HELB: variants seen among roughly 807,000 people sequenced by gnomAD.
The protein encoded by HELB is DNA 5'-3' helicase B.
A neutral mutation model predicts 101.7 loss-of-function variants in HELB; 96 were observed. That is an observed-to-expected ratio of 0.94 (90% confidence interval 0.80 to 1.12). The LOEUF (loss-of-function observed/expected upper bound fraction) is 1.12. Ranked by LOEUF, HELB falls within the 50% of genes most tolerant of loss-of-function variation. The pLI is 0.00. For synonymous variants in HELB, 437 were observed against 459.7 expected (o/e 0.95, Z 0.63); for missense variants, 1,210 against 1,291.9 (o/e 0.94, Z 0.97).
intron 4 of HELB, among the ~76,000 whole-genome samples, chr12:66,312,311 C>A: frequency 6.6e-6 from 1 of 152,176 alleles, no homozygotes; most frequent in Admixed American, 6.5e-5. Flanking sequence ...ATGCTGTACA[C>A]TAACAATGAA....
At position 66,338,156 on chromosome 12, in the gene HELB, A is replaced by G. The variant is rs2053886667; in HGVS notation, c.*54A>G. The G allele has an allele frequency of 9.7e-7, 1 of 1,035,710 alleles. No homozygotes were observed. The allele number at this position is 1,035,710 out of a possible 1,614,324, so 64.2% of individuals were successfully genotyped here. ...TGTTTTTCTATTGGAGACAAAATGA[A>G]CATCGTAACGTCAAAGTACCAAGAT... On this transcript the variant is annotated 3_prime_UTR_variant, in exon 13 of 13. Transcript: ENST00000247815.
At chr12:66,333,924 C>T (rs929308775) in intron 12 of HELB, among the ~76,000 whole-genome samples, 2 of 151,982 alleles carry the variant, frequency 1.3e-5, no homozygotes, top group East Asian at 1.9e-4. Context: ...CTTTGGGAGG[C>T]GGAGGTGAGA....
chr12:66,310,443 A>G lies in HELB; in HGVS notation c.1515A>G (p.Glu505=). ...AAAGAGAAGTAAAAAAAGCCTGTGA[A>G]GATTTTGAACAAGACCAGAATGCTT... The part of the protein sequence containing the change: ...LEEREVKKAC[E]DFEQDQNASE... The change falls in exon 4 of 13, where the codon GAA becomes GAG. Residue 505 remains glutamate (E), a synonymous_variant. Transcript: ENST00000247815. 1 of 1,614,196 alleles carries G rather than the reference A, an allele frequency of 6.2e-7. No individual in the cohort carries two copies. Among genetic ancestry groups the G allele is most frequent in the Non-Finnish European group, 8.5e-7 (1 of 1,180,042 alleles).
chr12:66,318,587 A>G, intron 6 of HELB, 51 bp from the exon 7 acceptor site: 1 of 1,514,794 alleles, frequency 6.6e-7, no homozygotes, highest in Non-Finnish European at 8.8e-7. Flanking sequence ...ATATATGAAG[A>G]CATTTTTGGA....
Position 66,304,898 on chromosome 12 carries a change from T to G in HELB, c.355T>G (p.Ser119Ala). 2 of 1,614,174 alleles carry G rather than the reference T, an allele frequency of 1.2e-6. No individual in the cohort carries two copies. Among genetic ancestry groups the G allele is most frequent in the Non-Finnish European group, 1.7e-6 (2 of 1,180,018 alleles). The change falls in exon 2 of 13, where the codon TCA (serine) becomes GCA (alanine). Residue 119 changes from serine to alanine, a missense_variant. By Grantham distance (99) the Ser-to-Ala change is moderately conservative (BLOSUM62 1). Around this residue, in one of 2 missense-constraint regions of HELB, gnomAD observed 470 missense variants for 563.1 expected, o/e 0.83. Transcript: ENST00000247815. Reference protein sequence around the residue: ...FPSYFLQSDMSPPNQKHICAL... With the variant: ...FPSYFLQSDMAPPNQKHICAL... ...GTCTTACTTTTTGCAGTCTGATATG[T>G]CACCACCAAATCAAAAACATATCTG...
At chr12:66,322,912 A>G (rs2053688758) in intron 9 of HELB, 129 bp downstream of exon 9, 1 of 531,784 alleles carries the variant, frequency 1.9e-6, no homozygotes, top group Non-Finnish European at 3.4e-6. Context: ...CATTTGTGAA[A>G]TAGAATGATC....
intron 6 of HELB, among the ~76,000 whole-genome samples, chr12:66,316,495 G>A (rs947282147): frequency 5.9e-5 from 9 of 151,822 alleles, no homozygotes; most frequent in Admixed American, 3.9e-4. Flanking sequence ...GGCTTCCCTG[G>A]GCCACACTGG....
intron 3 of HELB, among the ~76,000 whole-genome samples, chr12:66,308,076 A>G (rs577345568): frequency 6.7e-6 from 1 of 150,374 alleles, no homozygotes; most frequent in African/African-American, 2.4e-5. Context: ...TTAAAGCATT[A>G]CATATCAGCT....
rs926973997 is a variant in HELB, at chr12:66,309,914, A to T, written c.986A>T (p.His329Leu). 1.2e-6 allele frequency: 2 copies of T among 1,614,188 alleles called. No individual in the cohort carries two copies. Among genetic ancestry groups the T allele is most frequent in the Non-Finnish European group, 1.7e-6 (2 of 1,180,014 alleles). ...ACATTGTCAAATCATATGTCATTTC[A>T]TGCTGCTTCAGAGTCTCTGAAGTTT... ...TLTLSNHMSF[H>L]AASESLKFLK... Residue 329 changes from histidine (H) to leucine (L), a missense_variant, in exon 4 of 13, where the codon CAT (histidine) becomes CTT (leucine). His to Leu is a moderately conservative substitution (Grantham distance 99). This residue lies in a region of HELB where 470 missense variants were observed against 563.1 expected (regional missense o/e 0.83). Transcript: ENST00000247815.
At chr12:66,322,329 G>A (rs143385119) in intron 8 of HELB, among the ~76,000 whole-genome samples, 13 of 152,084 alleles carry the variant, frequency 8.5e-5, no homozygotes, top group Admixed American at 2.6e-4. Context: ...TTGGGAGGCC[G>A]AGGCAGGCAG....
intron 11 of HELB, among the ~76,000 whole-genome samples, chr12:66,327,634 G>GT (rs2053756913): frequency 6.6e-6 from 1 of 151,972 alleles, no homozygotes; most frequent in Admixed American, 6.6e-5. Context: ...TCAACACACT[G>GT]TTTCTTCCAA....
intron 12 of HELB, among the ~76,000 whole-genome samples, chr12:66,335,271 G>A (rs2053854356): frequency 6.6e-6 from 1 of 152,204 alleles, no homozygotes; most frequent in African/African-American, 2.4e-5. Flanking sequence ...GATATTGCAA[G>A]GACTAGGTGA....
intron 4 of HELB, among the ~76,000 whole-genome samples, chr12:66,312,361 A>T (rs1052232300): frequency 1.3e-5 from 2 of 152,248 alleles, no homozygotes; most frequent in African/African-American, 2.4e-5. Context: ...TAGGTTCCTA[A>T]GCAAGAGAGT....
At chr12:66,315,416 CTG>C (rs778184316) in intron 6 of HELB, 33 bp downstream of exon 6, 1 of 1,431,414 alleles carries the variant, frequency 7.0e-7, no homozygotes, top group Admixed American at 2.5e-5. Flanking sequence ...CATTTTCTGT[CTG>C]TTGTATTAGA....
Position 66,310,282 on chromosome 12 carries a change from G to A in HELB, c.1354G>A (p.Val452Ile). The A allele has an allele frequency of 6.2e-7, 1 of 1,614,154 alleles. No individual in the cohort carries two copies. The highest frequency in any genetic ancestry group is 8.5e-7 in the Non-Finnish European group (1 of 1,180,040). The change falls in exon 4 of 13, where the codon GTT becomes ATT. Residue 452 changes from valine to isoleucine, a missense_variant. Transcript: ENST00000247815. ...TCAGCTGGATCAGGATCAGGTTGAA[G>A]TTCCACTGGATCGGGATCAGGTGGC... ...EVQLDQDQVE[V>I]PLDRDQVAAL...
intron 4 of HELB, among the ~76,000 whole-genome samples, chr12:66,311,500 C>T (rs867367641): frequency 3.3e-5 from 5 of 151,996 alleles, no homozygotes; most frequent in Non-Finnish European, 7.4e-5. Flanking sequence ...AGAGTGTAGG[C>T]GTAATGATAT....
chr12:66,333,678 C>G (rs1396659958), intron 12 of HELB, among the ~76,000 whole-genome samples: 4 of 152,058 alleles, frequency 2.6e-5, no homozygotes, highest in Non-Finnish European at 5.9e-5. Context: ...GAGCAAAACT[C>G]TATCTCAAAA....
Position 66,318,802 on chromosome 12 carries a change from A to C in HELB, c.2155+10A>C. ...ACTAATCATCACTCTTGTAAGTATA[A>C]ACTTCTATGAGATGTAGAGTTAAGT... On this transcript the variant is annotated intron_variant, in intron 7 of 12. Transcript: ENST00000247815. The C allele has an allele frequency of 6.3e-7, 1 of 1,586,284 alleles. No individual in the cohort carries two copies. Among genetic ancestry groups the C allele is most frequent in the Non-Finnish European group, 8.6e-7 (1 of 1,168,246 alleles).
chr12:66,317,228 T>G (rs938494859), intron 6 of HELB, among the ~76,000 whole-genome samples: 6 of 152,086 alleles, frequency 3.9e-5, no homozygotes, highest in African/African-American at 1.4e-4. Flanking sequence ...ATATAATGTT[T>G]TAAGAAAGTT....
Sources: allele counts gnomAD v4.1 joint callset (sites outside exome capture counted in the v4.1 genomes callset), GRCh38; gene constraint gnomAD v4.1.1; regional missense constraint gnomAD v4.1.1; transcripts MANE v1.5; gene names NCBI Gene and HGNC (gene_info 2026-07-23, HGNC 2026-07-21).